Variants in GABRB1 observed in about 807,000 individuals in gnomAD.
GABRB1 encodes gamma-aminobutyric acid receptor subunit beta-1.
GABRB1 carries 17 observed loss-of-function variants against 51.6 expected under a neutral mutation model. The ratio of observed to expected loss-of-function variants is 0.33; its 90% confidence interval spans 0.23 to 0.49. GABRB1 has a LOEUF of 0.49. Ranked by LOEUF, GABRB1 falls within the 20% of genes least tolerant of loss-of-function variation. The pLI, the probability that GABRB1 is intolerant of heterozygous loss-of-function variation, is 0.99. For synonymous variants in GABRB1, 247 were observed against 218.9 expected, an observed-to-expected ratio of 1.13 and a Z score of -1.14; for missense variants, 410 against 600.6, an observed-to-expected ratio of 0.68 and a Z score of 3.32.
In GABRB1 at chr4:47,245,649, A is replaced by G. The variant is rs544859304; in HGVS notation, c.462-74478A>G. Among the ~76,000 whole-genome samples the G allele has an allele frequency of 5.3e-5, 8 of 152,216 alleles. No homozygotes were observed. The East Asian group carries it at 9.6e-4, about 18-fold the overall frequency. On this transcript the variant is annotated intron_variant, in intron 4 of 8. Transcript: ENST00000295454. ...TAGGAAGCTACAGTGTGCTTGAAGA[A>G]AAGTAAACCATAGGGTCTGTAAAGT...
intron 4 of GABRB1, among the ~76,000 whole-genome samples, chr4:47,169,224 A>C (rs1003501030): frequency 2.2e-4 from 34 of 152,168 alleles, no homozygotes; most frequent in Admixed American, 1.6e-3. Flanking sequence ...TTTATGAACT[A>C]TACTACTCTC....
At position 47,161,317 on chromosome 4, in the gene GABRB1, A is replaced by G; in HGVS notation, c.309A>G (p.Pro103=). ...KDKRLSYSGI[P]LNLTLDNRVA... ...AAAGGCTTTCTTATTCTGGAATCCC[A>G]CTGAACCTCACCCTAGACAATAGGG... The change falls in exon 4 of 9, where the codon CCA becomes CCG. Residue 103 remains proline, a synonymous_variant. Transcript: ENST00000295454. 3.7e-6 allele frequency: 6 copies of G among 1,612,306 alleles called. No individual in the cohort carries two copies. The highest frequency in any genetic ancestry group is 5.1e-6 in the Non-Finnish European group (6 of 1,179,180).
intron 4 of GABRB1, among the ~76,000 whole-genome samples, chr4:47,294,776 C>G (rs956575821): frequency 3.3e-5 from 5 of 152,224 alleles, no homozygotes; most frequent in Admixed American, 6.5e-5. Flanking sequence ...CACGCAGCTG[C>G]AGATCTGAGA....
At chr4:47,162,888 A>T (rs1028175541) in intron 4 of GABRB1, among the ~76,000 whole-genome samples, 1 of 152,040 alleles carries the variant, frequency 6.6e-6, no homozygotes, top group Non-Finnish European at 1.5e-5. Context: ...TTCATCTATC[A>T]TCTATGCCCT....
chr4:47,160,182 A>C (rs1717876330), intron 3 of GABRB1, among the ~76,000 whole-genome samples: 1 of 152,136 alleles, frequency 6.6e-6, no homozygotes, highest in Non-Finnish European at 1.5e-5. Context: ...CCTAAGTAGA[A>C]AGAAAAAGTT....
chr4:47,177,768 A>G (rs1349272385), intron 4 of GABRB1, among the ~76,000 whole-genome samples: 2 of 151,078 alleles, frequency 1.3e-5, no homozygotes, highest in African/African-American at 2.4e-5. Flanking sequence ...AATGATATCC[A>G]TCTTTCAAAT....
chr4:47,052,087 G>T (rs1042135235), intron 3 of GABRB1, among the ~76,000 whole-genome samples: 1 of 152,098 alleles, frequency 6.6e-6, no homozygotes, highest in African/African-American at 2.4e-5. Context: ...CCGAGATTGT[G>T]CCACTGCACT....
chr4:47,245,435 A>G (rs1261336971), intron 4 of GABRB1, among the ~76,000 whole-genome samples: 2 of 152,144 alleles, frequency 1.3e-5, no homozygotes, highest in Admixed American at 1.3e-4. Context: ...ATAGTCACAC[A>G]AGGAACTGAG....
rs1717279445 is a variant in GABRB1 at position 47,148,510 on chromosome 4, A to C, written c.241-12739A>C. On this transcript the variant is annotated intron_variant, in intron 3 of 8. Coordinates refer to ENST00000295454, the MANE Select transcript of GABRB1 (RefSeq NM_000812.4). ...TTACTGTCACTTACAAATAATTTCT[A>C]GCAAGGGAAATATAGTTGCTACTAT... 3.3e-5 allele frequency among the ~76,000 whole-genome samples: 5 copies of C among 152,092 alleles called. No homozygotes were observed. In the South Asian group the frequency reaches 1.0e-3, roughly 31 times the overall value.
intron 3 of GABRB1, among the ~76,000 whole-genome samples, chr4:47,067,989 C>T (rs1727159717): frequency 6.6e-6 from 1 of 152,142 alleles, no homozygotes; most frequent in African/African-American, 2.4e-5. Flanking sequence ...GTTTTGTTTT[C>T]TGTTCCTGCA....
intron 4 of GABRB1, among the ~76,000 whole-genome samples, chr4:47,163,321 G>T (rs559935986): frequency 6.6e-6 from 1 of 152,008 alleles, no homozygotes; most frequent in African/African-American, 2.4e-5. Flanking sequence ...GCCTTATTAG[G>T]TACTGGGCAA....
chr4:47,144,067 TA>T (rs1202891639), intron 3 of GABRB1, among the ~76,000 whole-genome samples: 1 of 151,972 alleles, frequency 6.6e-6, no homozygotes, highest in Non-Finnish European at 1.5e-5. Context: ...AGGGGCATGA[TA>T]AATTCTGTAT....
chr4:47,182,379 T>A (rs971565044), intron 4 of GABRB1, among the ~76,000 whole-genome samples: 4 of 151,916 alleles, frequency 2.6e-5, no homozygotes, highest in African/African-American at 9.7e-5. Flanking sequence ...AACCAAAGAG[T>A]AAAAAATATT....
intron 5 of GABRB1, among the ~76,000 whole-genome samples, chr4:47,375,561 T>G (rs568509347): frequency 1.3e-5 from 2 of 152,312 alleles, no homozygotes; most frequent in East Asian, 1.9e-4. Context: ...TGCGTTCTGC[T>G]CCACAGAATC....
chr4:47,254,097 T>C (rs1373521358), intron 4 of GABRB1, among the ~76,000 whole-genome samples: 3 of 152,200 alleles, frequency 2.0e-5, no homozygotes, highest in African/African-American at 7.2e-5. Context: ...AAGTGTTGTT[T>C]TGGAAATGTG....
chr4:47,247,820 G>A (rs1240157610), intron 4 of GABRB1, among the ~76,000 whole-genome samples: 1 of 151,974 alleles, frequency 6.6e-6, no homozygotes, highest in African/African-American at 2.4e-5. Flanking sequence ...TTCTCTGCTT[G>A]GTCGTTGTTG....
intron 3 of GABRB1, among the ~76,000 whole-genome samples, chr4:47,061,454 A>T (rs1183461203): frequency 6.6e-6 from 1 of 152,204 alleles, no homozygotes; most frequent in East Asian, 1.9e-4. Context: ...CAAGAAAACA[A>T]ATCACAGCAA....
chr4:47,344,683 T>C (rs1276169522), intron 5 of GABRB1, among the ~76,000 whole-genome samples: 1 of 152,148 alleles, frequency 6.6e-6, no homozygotes, highest in Admixed American at 6.6e-5. Context: ...AATCTGTTAC[T>C]GGCACATTTT....
At chr4:47,101,317 G>A (rs1040381387) in intron 3 of GABRB1, among the ~76,000 whole-genome samples, 1 of 151,978 alleles carries the variant, frequency 6.6e-6, no homozygotes, top group Non-Finnish European at 1.5e-5. Flanking sequence ...GAATGTGTCA[G>A]ACATTAACCT....
Sources: gnomAD v4.1 joint callset for allele counts (sites outside exome capture counted in the v4.1 genomes callset) on GRCh38, gnomAD v4.1.1 for gene constraint, MANE v1.5 for transcripts, NCBI Gene and HGNC (gene_info 2026-07-23, HGNC 2026-07-21) for gene names.